Variants in ZNRF1 observed in about 807,000 individuals in gnomAD.
ZNRF1 encodes zinc and ring finger 1, also known as E3 ubiquitin-protein ligase ZNRF1.
Under a neutral mutation model 18.4 loss-of-function variants are expected in ZNRF1, and 3 were observed. The ratio of observed to expected loss-of-function variants is 0.16; its 90% CI spans 0.07 to 0.42. The LOEUF is 0.42. ZNRF1 is among the 10% of genes least tolerant of loss of function. The pLI is 0.99. For synonymous variants in ZNRF1, 157 were observed against 144.2 expected (o/e 1.09, Z -0.64); for missense variants, 310 against 329.8 (o/e 0.94, Z 0.47).
intron 1 of ZNRF1, among the ~76,000 whole-genome samples, chr16:75,092,047 C>G (rs1439954135): frequency 1.3e-5 from 2 of 152,046 alleles, no homozygotes; most frequent in African/African-American, 4.8e-5. Context: ...ACCTGTAATC[C>G]TAGCACTTTG....
intron 1 of ZNRF1, among the ~76,000 whole-genome samples, chr16:75,079,309 G>A (rs903628593): frequency 6.6e-6 from 1 of 151,994 alleles, no homozygotes; most frequent in Non-Finnish European, 1.5e-5. Context: ...GTGAAACCCC[G>A]TCTCTACTAA....
chr16:75,090,221 C>T (rs1313299810), intron 1 of ZNRF1, among the ~76,000 whole-genome samples: 1 of 152,200 alleles, frequency 6.6e-6, no homozygotes, highest in African/African-American at 2.4e-5. Flanking sequence ...CGCAGGTTTA[C>T]ACCTCACCTC....
chr16:75,042,557 TGTA>T (rs1190975590), intron 1 of ZNRF1, among the ~76,000 whole-genome samples: 1 of 151,110 alleles, frequency 6.6e-6, no homozygotes, highest in East Asian at 2.0e-4. Context: ...TGGTCATAAA[TGTA>T]GTGGTTTATT....
At position 74,999,699 on chromosome 16, in the gene ZNRF1, C is replaced by T; in HGVS notation, c.28C>T (p.Arg10Cys). ...GGGGGGCAAGCAGAGCACGGCGGCC[C>T]GCTCCCGGGGCCCCTTCCCGGGGGT... The part of the protein sequence containing the change: MGGKQSTAA[R>C]SRGPFPGVST... The change falls in exon 1 of 5, where the codon CGC becomes TGC. Residue 10 changes from arginine to cysteine, a missense_variant. Arg to Cys is a radical substitution (Grantham distance 180). Coordinates refer to ENST00000335325, the MANE Select transcript of ZNRF1 (RefSeq NM_032268.5). 3.7e-6 allele frequency: 5 copies of T among 1,361,550 alleles called. No homozygotes were observed. Among genetic ancestry groups the T allele is most frequent in the Non-Finnish European group, 4.7e-6 (5 of 1,063,476 alleles). 84.3% of individuals were successfully genotyped at this position (1,361,550 alleles called of 1,614,324 possible). A position where few individuals can be genotyped will look rare whatever the true frequency, so the allele number is the denominator to read the frequency against.
At chr16:75,098,608 A>C (rs1260810431) in intron 2 of ZNRF1, among the ~76,000 whole-genome samples, 3 of 152,120 alleles carry the variant, frequency 2.0e-5, no homozygotes, top group Non-Finnish European at 2.9e-5. Flanking sequence ...GCAGCTCTGC[A>C]TGCTGAATAG....
At chr16:75,011,105 T>C (rs1207203641) in intron 1 of ZNRF1, among the ~76,000 whole-genome samples, 1 of 152,184 alleles carries the variant, frequency 6.6e-6, no homozygotes, top group Non-Finnish European at 1.5e-5. Flanking sequence ...TTCTTAGCTT[T>C]TTGGAGATCT....
At chr16:75,107,341 C>G (rs1019985046) in intron 4 of ZNRF1, 2 of 197,274 alleles carry the variant, frequency 1.0e-5, no homozygotes, top group African/African-American at 4.8e-5. Context: ...AAGCCCAACT[C>G]CATCTCACAG....
intron 1 of ZNRF1, among the ~76,000 whole-genome samples, chr16:75,005,278 G>A (rs2034903581): frequency 6.6e-6 from 1 of 152,184 alleles, no homozygotes; most frequent in Non-Finnish European, 1.5e-5. Context: ...TTACCCCGAG[G>A]CAAAGATAAT....
rs2036318082 is a variant in ZNRF1, at chr16:75,106,520, C to T, written c.665C>T (p.Pro222Leu). 2 of 1,614,108 alleles carry T rather than the reference C, an allele frequency of 1.2e-6. No homozygotes were observed. The highest frequency in any genetic ancestry group is 1.7e-6 in the Non-Finnish European group (2 of 1,180,026). Residue 222 changes from proline (P) to leucine (L), a missense_variant, in exon 4 of 5, where the codon CCG (proline) becomes CTG (leucine). Transcript: ENST00000335325. ...DSWFEVNRSC[P>L]EHPAD The stretch of plus-strand genomic sequence containing the variant: ...TGGTTTGAAGTGAACAGATCTTGTC[C>T]GGAACACCCTGCGGACTGACCTGCG...
intron 1 of ZNRF1, among the ~76,000 whole-genome samples, chr16:75,016,834 C>T (rs796453113): frequency 1.7e-4 from 8 of 47,144 alleles, no homozygotes; most frequent in East Asian, 6.5e-4. Flanking sequence ...CGTGAGCCAC[C>T]GCGGCCGGCC....
chr16:75,029,111 G>C (rs1183705555), intron 1 of ZNRF1, among the ~76,000 whole-genome samples: 1 of 147,296 alleles, frequency 6.8e-6, no homozygotes, highest in African/African-American at 2.5e-5. Context: ...CAGCTTGACT[G>C]CAGTCTTGAC....
In ZNRF1 at chr16:75,016,169, C is replaced by G. The variant is rs968498791; in HGVS notation, c.424+16074C>G. 2.0e-5 allele frequency among the ~76,000 whole-genome samples: 3 copies of G among 151,976 alleles called. 1 individual carries two copies. The highest frequency in any genetic ancestry group is 2.0e-4 in the Admixed American group (3 of 15,268). On this transcript the variant is annotated intron_variant, in intron 1 of 4. Coordinates refer to ENST00000335325, the MANE Select transcript of ZNRF1 (RefSeq NM_032268.5). ...TCTCCTGACCTCGTGACCCGTCCAC[C>G]GCCTCGGTCTCCCAAAGTGCTGGGA...
chr16:75,058,335 T>C (rs16953924), intron 1 of ZNRF1, among the ~76,000 whole-genome samples: 4,321 of 152,222 alleles, frequency 0.028, 172 homozygotes, highest in African/African-American at 0.092. Context: ...TGAGCTGTTC[T>C]CATCCATTAT....
intron 2 of ZNRF1, chr16:75,095,223 G>C (rs1246847963): frequency 2.5e-5 from 4 of 161,124 alleles, no homozygotes; most frequent in Non-Finnish European, 5.4e-5. Flanking sequence ...CAGGTGGGAG[G>C]ACCCGCACGG....
At chr16:75,008,697 T>C (rs1204983373) in intron 1 of ZNRF1, among the ~76,000 whole-genome samples, 1 of 152,242 alleles carries the variant, frequency 6.6e-6, no homozygotes, top group African/African-American at 2.4e-5. Context: ...ATATTTATTA[T>C]AGAGCAATTA....
intron 2 of ZNRF1, chr16:75,095,866 C>T: frequency 1.0e-6 from 1 of 961,846 alleles, no homozygotes; most frequent in East Asian, 2.9e-5. Context: ...CCCCCTACAC[C>T]CCACCACCGG....
chr16:75,052,004 C>G (rs2035613396), intron 1 of ZNRF1, among the ~76,000 whole-genome samples: 1 of 152,174 alleles, frequency 6.6e-6, no homozygotes, highest in African/African-American at 2.4e-5. Flanking sequence ...AGCTTTTCCT[C>G]TTGGTGGAAA....
At chr16:75,104,460 G>A in intron 2 of ZNRF1, 1 of 224,918 alleles carries the variant, frequency 4.4e-6, no homozygotes, top group Non-Finnish European at 9.0e-6. Context: ...ATCTGTGGAG[G>A]GAAACAGCTT....
chr16:75,073,327 C>A (rs1208527544), intron 1 of ZNRF1, among the ~76,000 whole-genome samples: 1 of 151,356 alleles, frequency 6.6e-6, no homozygotes, highest in African/African-American at 2.4e-5. Flanking sequence ...CTTTTTAGAC[C>A]TCCCTCCAGT....
Sources: gnomAD v4.1 joint callset for allele counts (sites outside exome capture counted in the v4.1 genomes callset) on GRCh38, gnomAD v4.1.1 for gene constraint, MANE v1.5 for transcripts, NCBI Gene and HGNC (gene_info 2026-07-23, HGNC 2026-07-21) for gene names.